The following FRMPD2 variants were observed in gnomAD, a reference collection of about 807,000 sequenced individuals.
FRMPD2 encodes FERM and PDZ domain containing 2.
A neutral mutation model predicts 140.1 loss-of-function variants in FRMPD2; 96 were observed. The ratio of observed to expected loss-of-function variants is 0.69; its 90% CI spans 0.58 to 0.81. The LOEUF (loss-of-function observed/expected upper bound fraction) is 0.81. FRMPD2 is among the 40% of genes least tolerant of loss of function. The pLI, the probability that FRMPD2 is intolerant of heterozygous loss-of-function variation, is 0.00. For synonymous variants in FRMPD2, 449 were observed against 547.6 expected (o/e 0.82, Z 2.52); for missense variants, 1,240 against 1,447.4 (o/e 0.86, Z 2.32).
chr10:48,232,067 G>A (rs768619647), intron 10 of FRMPD2, 48 bp downstream of exon 10: 7 of 1,587,026 alleles, frequency 4.4e-6, no homozygotes, highest in Non-Finnish European at 6.1e-6. Context: ...AGATACCTGG[G>A]TTACCAGAGG....
intron 15 of FRMPD2, among the ~76,000 whole-genome samples, chr10:48,199,354 T>C (rs937878565): frequency 1.6e-4 from 24 of 151,734 alleles, no homozygotes; most frequent in Admixed American, 9.8e-4. Context: ...TATTTATAGT[T>C]TTTGAATTTA....
At chr10:48,184,940 G>A (rs933205163) in intron 18 of FRMPD2, 59 bp from the exon 19 acceptor site, 3 of 1,338,886 alleles carry the variant, frequency 2.2e-6, no homozygotes, top group African/African-American at 2.9e-5. Context: ...GCTGTTCAGA[G>A]AGGTTAGGTT....
In FRMPD2 at chr10:48,240,377, C is replaced by A. The variant is rs779793919; in HGVS notation, c.683G>T (p.Cys228Phe). Reference protein sequence around the residue: ...SESPAAQAPECLHPCRVSERS... With the variant: ...SESPAAQAPEFLHPCRVSERS... ...GTACCCACCTCTGCAAGGATGCAGA[C>A]ACTCCGGGGCCTGTGCCGCTGGGCT... is the stretch of plus-strand genomic sequence containing the variant. Residue 228 changes from cysteine (C) to phenylalanine (F), a missense_variant, in exon 6 of 29, where the codon TGT (cysteine) becomes TTT (phenylalanine). Cys to Phe is a radical substitution (Grantham distance 205, BLOSUM62 -2). Coordinates refer to ENST00000374201, the MANE Select transcript of FRMPD2 (RefSeq NM_001018071.4). The A allele has an allele frequency of 1.2e-6, 2 of 1,612,588 alleles. No individual in the cohort carries two copies. Among genetic ancestry groups the A allele is most frequent in the South Asian group, 2.2e-5 (2 of 91,076 alleles).
chr10:48,195,148 C>T (rs1445621024), intron 15 of FRMPD2, among the ~76,000 whole-genome samples: 2 of 152,222 alleles, frequency 1.3e-5, no homozygotes, highest in Non-Finnish European at 2.9e-5. Flanking sequence ...CTGGGCAGCT[C>T]ACTGCAAATC....
In FRMPD2 at chr10:48,242,823, G is replaced by C. The variant is rs556497907; in HGVS notation, c.376-471C>G. 5.8e-4 allele frequency among the ~76,000 whole-genome samples: 89 copies of C among 152,304 alleles called. No homozygotes were observed. The South Asian group carries it at 0.018, about 31-fold the overall frequency. ...CTGTGGCCTATTCCTGTTCACTTCG[G>C]AACAGCCAGCAGTCAGCACAAATGC... On this transcript the variant is annotated intron_variant, in intron 4 of 28. Transcript: ENST00000374201.
intron 20 of FRMPD2, among the ~76,000 whole-genome samples, chr10:48,184,172 C>A (rs529627896): frequency 4.9e-4 from 75 of 151,974 alleles, no homozygotes; most frequent in African/African-American, 1.7e-3. Flanking sequence ...TATACCTATA[C>A]AAAATATAGA....
chr10:48,243,338 G>C (rs891170374), intron 4 of FRMPD2, among the ~76,000 whole-genome samples: 2 of 152,258 alleles, frequency 1.3e-5, no homozygotes. Context: ...GGAAAGTGGG[G>C]AGTGAGGTGC....
intron 15 of FRMPD2, chr10:48,199,750 T>C (rs1249601310): frequency 6.6e-6 from 1 of 152,174 alleles, no homozygotes; most frequent in Non-Finnish European, 1.5e-5. Flanking sequence ...GCAAGGACCA[T>C]GGTGTATCGT....
chr10:48,178,212 C>G, intron 21 of FRMPD2, 61 bp from the exon 22 acceptor site: 2 of 1,235,068 alleles, frequency 1.6e-6, no homozygotes, highest in Non-Finnish European at 2.4e-6. Context: ...CCTCTTAGCT[C>G]ATACTGCTCT....
chr10:48,257,672 T>C (rs1435676190), intron 1 of FRMPD2, among the ~76,000 whole-genome samples: 1 of 152,164 alleles, frequency 6.6e-6, no homozygotes, highest in Non-Finnish European at 1.5e-5. Context: ...GAAAAAGACA[T>C]GAGCTTTGGG....
intron 1 of FRMPD2, among the ~76,000 whole-genome samples, chr10:48,273,570 C>T (rs527697646): frequency 6.6e-6 from 1 of 152,288 alleles, no homozygotes; most frequent in East Asian, 1.9e-4. Flanking sequence ...CTAGTGTTCG[C>T]TTAGCATTAA....
chr10:48,185,462 G>A lies in FRMPD2; in HGVS notation c.2359+91C>T, dbSNP rs1318332793. 11 of 848,422 alleles carry A rather than the reference G, an allele frequency of 1.3e-5. No individual in the cohort carries two copies. In the East Asian group the frequency reaches 1.7e-4, roughly 13 times the overall value. The allele number at this position is 848,422 out of a possible 1,614,324, so 52.6% of individuals were successfully genotyped here. On this transcript the variant is annotated intron_variant, in intron 18 of 28. Transcript: ENST00000374201. ...ACTGGGAGAGGAGGGATAGGAAAGGGGAGTAGGCAAGTTGAAAGGGAAAAC... is the reference window on the plus strand; with the variant it reads ...ACTGGGAGAGGAGGGATAGGAAAGGAGAGTAGGCAAGTTGAAAGGGAAAAC...
chr10:48,259,211 C>T (rs752107213), intron 1 of FRMPD2, among the ~76,000 whole-genome samples: 6 of 152,140 alleles, frequency 3.9e-5, no homozygotes, highest in Non-Finnish European at 7.3e-5. Context: ...AGGAGAGTAG[C>T]CCTTTACAGC....
chr10:48,181,461 A>AC (rs544498097), intron 20 of FRMPD2, among the ~76,000 whole-genome samples: 4,287 of 152,052 alleles, frequency 0.028, 59 homozygotes, highest in African/African-American at 0.085. Flanking sequence ...ACTGTCTTAA[A>AC]CCCAGCCTCT....
At chr10:48,263,001 TA>T (rs1195727014) in intron 1 of FRMPD2, among the ~76,000 whole-genome samples, 1 of 151,884 alleles carries the variant, frequency 6.6e-6, no homozygotes, top group Non-Finnish European at 1.5e-5. Flanking sequence ...TGCAAATCAA[TA>T]ACAGAAGGAT....
Position 48,238,064 on chromosome 10 carries a change from G to A in FRMPD2, c.848C>T (p.Ser283Phe). ...QQAGRRLSSG[S>F]VHSAADSSWP... The stretch of plus-strand genomic sequence containing the variant: ...TGAGCTGTCTGCTGCCGAGTGCACA[G>A]ATCCAGAGCTGAGCCTCCGGCCCGC... Residue 283 changes from serine (S) to phenylalanine (F), a missense_variant, in exon 8 of 29, where the codon TCT becomes TTT. Coordinates refer to ENST00000374201, the MANE Select transcript of FRMPD2 (RefSeq NM_001018071.4). The A allele has an allele frequency of 6.2e-7, 1 of 1,614,028 alleles. No homozygotes were observed. The highest frequency in any genetic ancestry group is 8.5e-7 in the Non-Finnish European group (1 of 1,180,022).
intron 10 of FRMPD2, among the ~76,000 whole-genome samples, chr10:48,228,514 G>A (rs1483222155): frequency 6.6e-6 from 1 of 151,850 alleles, no homozygotes; most frequent in African/African-American, 2.4e-5. Flanking sequence ...AAAGATATTT[G>A]GGTCTGTTAA....
At chr10:48,188,218 G>A (rs1468704416) in intron 16 of FRMPD2, among the ~76,000 whole-genome samples, 4 of 152,150 alleles carry the variant, frequency 2.6e-5, no homozygotes, top group Admixed American at 1.3e-4. Context: ...AGCAGGGGTC[G>A]CTGGCATGGA....
At chr10:48,190,846 T>TGGG (rs771354669) in intron 16 of FRMPD2, among the ~76,000 whole-genome samples, 1 of 152,204 alleles carries the variant, frequency 6.6e-6, no homozygotes, top group Non-Finnish European at 1.5e-5. Context: ...GGCCAGTCGC[T>TGGG]GGAAGGGCCA....
Sources: allele counts gnomAD v4.1 joint callset (sites outside exome capture counted in the v4.1 genomes callset), GRCh38; gene constraint gnomAD v4.1.1; transcripts MANE v1.5; gene names NCBI Gene and HGNC (gene_info 2026-07-23, HGNC 2026-07-21).